The following ESR1 variants were observed in gnomAD, a reference collection of about 807,000 sequenced individuals.
ESR1 encodes the protein estrogen receptor.
A neutral mutation model predicts 52.7 loss-of-function variants in ESR1; 12 were observed. The ratio of observed to expected loss-of-function variants is 0.23; its 90% CI spans 0.15 to 0.37. The LOEUF (loss-of-function observed/expected upper bound fraction) is 0.37. Among genes scored for constraint, ESR1 ranks in the 10% least tolerant of loss-of-function variants. The pLI, the probability that ESR1 is intolerant of heterozygous loss-of-function variation, is 1.00. For missense variants in ESR1, 584 were observed against 779.7 expected, an observed-to-expected ratio of 0.75 and a Z score of 2.99; for synonymous variants, 305 against 316.8, an observed-to-expected ratio of 0.96 and a Z score of 0.39.
At chr6:151,899,501 ACGGGGCGGCTGGCCGGG>A (rs1796256508) in intron 3 of ESR1, among the ~76,000 whole-genome samples, 1 of 135,850 alleles carries the variant, frequency 7.4e-6, no homozygotes, top group African/African-American at 2.9e-5. Flanking sequence ...TCCCTCCCGG[ACGGGGCGGCTGGCCGGG>A]CGGGGGGCTG....
At chr6:151,938,908 C>T (rs1222184141) in intron 3 of ESR1, among the ~76,000 whole-genome samples, 1 of 152,100 alleles carries the variant, frequency 6.6e-6, no homozygotes, top group Non-Finnish European at 1.5e-5. Context: ...GTATCTCGAT[C>T]CCTTATACAA....
rs1446731094 is a variant in ESR1, at chr6:151,959,137, G to T, written c.1096+14629G>T. Among the ~76,000 whole-genome samples, 2 of 152,156 alleles carry T rather than the reference G, an allele frequency of 1.3e-5. 1 individual carries two copies. Among genetic ancestry groups the T allele is most frequent in the Non-Finnish European group, 2.9e-5 (2 of 68,026 alleles). On this transcript the variant is annotated intron_variant, in intron 4 of 7. Transcript: ENST00000206249. ...CAGAACTCTCCACCTAAGTGTGCAA[G>T]TGTAAACACTCCCTGATGTGTGAAC...
chr6:151,791,530 ATG>A (rs1776157736), intron 2 of ESR1, among the ~76,000 whole-genome samples: 1 of 152,164 alleles, frequency 6.6e-6, no homozygotes, highest in Non-Finnish European at 1.5e-5. Context: ...CAGTGTGAAA[ATG>A]GACTAATACA....
At chr6:152,022,591 A>G (rs936608775) in intron 5 of ESR1, among the ~76,000 whole-genome samples, 1 of 152,174 alleles carries the variant, frequency 6.6e-6, no homozygotes, top group African/African-American at 2.4e-5. Context: ...TTTTAGGTAG[A>G]AAAAGAGTCC....
At chr6:151,711,188 T>G (rs1429548731) in intron 2 of ESR1, among the ~76,000 whole-genome samples, 2 of 152,146 alleles carry the variant, frequency 1.3e-5, no homozygotes, top group Non-Finnish European at 2.9e-5. Context: ...GCATTCTTAT[T>G]TCTCCACATC....
At chr6:151,826,846 A>T (rs985425450) in intron 1 of ESR1, among the ~76,000 whole-genome samples, 1 of 152,218 alleles carries the variant, frequency 6.6e-6, no homozygotes, top group African/African-American at 2.4e-5. Context: ...CAAATTGACA[A>T]ATTGGGAAAG....
rs534309750 is a variant in ESR1, at chr6:151,759,889, G to A, written c.-70-47954G>A. ...ATTAGGTTGGTGCAAAAGTAACTGC[G>A]GTTTTTGCCATTCAAAGTAATGGCA... On this transcript the variant is annotated intron_variant, in intron 2 of 2. Coordinates refer to the ESR1 transcript ENST00000404742. 1.2e-4 allele frequency among the ~76,000 whole-genome samples: 19 copies of A among 152,250 alleles called. No individual in the cohort carries two copies. In the South Asian group the frequency reaches 1.7e-3, roughly 13 times the overall value.
downstream of ESR1, among the ~76,000 whole-genome samples, chr6:152,105,375 C>T (rs192257709): frequency 1.4e-4 from 21 of 152,162 alleles, no homozygotes; most frequent in East Asian, 3.7e-3. Context: ...ACCTTTTCCC[C>T]CCAAATTGTT....
intron 6 of ESR1, among the ~76,000 whole-genome samples, chr6:152,068,217 T>G (rs1255498248): frequency 6.6e-6 from 1 of 152,240 alleles, no homozygotes; most frequent in Non-Finnish European, 1.5e-5. Context: ...CCCAGTGTTC[T>G]GCAACGTCCA....
intron 3 of ESR1, among the ~76,000 whole-genome samples, chr6:151,885,154 G>T (rs1449281996): frequency 6.6e-6 from 1 of 152,052 alleles, no homozygotes; most frequent in African/African-American, 2.4e-5. Flanking sequence ...TTTGTGTAGG[G>T]CTTCTTATAT....
chr6:151,692,512 A>G (rs1193219237), intron 1 of ESR1, among the ~76,000 whole-genome samples: 2 of 152,130 alleles, frequency 1.3e-5, no homozygotes, highest in Non-Finnish European at 2.9e-5. Context: ...GACCATCCAC[A>G]CTGTAAAAAA....
downstream of ESR1, among the ~76,000 whole-genome samples, chr6:152,104,583 G>A (rs1046130689): frequency 3.0e-4 from 45 of 152,026 alleles, no homozygotes; most frequent in Non-Finnish European, 1.5e-5. Flanking sequence ...GCCTTTCGTT[G>A]TTTTAGTGAT....
chr6:151,737,599 A>C (rs1411391592), intron 2 of ESR1, among the ~76,000 whole-genome samples: 1 of 152,222 alleles, frequency 6.6e-6, no homozygotes, highest in Non-Finnish European at 1.5e-5. Flanking sequence ...AGTATTGTGC[A>C]GTGGAAAATG....
rs553815447 is a variant in ESR1 at position 151,711,271 on chromosome 6, G to C, written c.-71+9266G>C. On this transcript the variant is annotated intron_variant, in intron 2 of 2. Coordinates refer to the ESR1 transcript ENST00000404742. ...GAGTCTCACTCTGTTGCCCAGGCTGGAGTGCAGTGGTGCAATCTTGGCTCA... is the reference window on the plus strand; with the variant it reads ...GAGTCTCACTCTGTTGCCCAGGCTGCAGTGCAGTGGTGCAATCTTGGCTCA... 1.5e-4 allele frequency among the ~76,000 whole-genome samples: 23 copies of C among 151,716 alleles called. No homozygotes were observed. The South Asian group carries it at 4.8e-3, about 32-fold the overall frequency.
At chr6:151,846,457 T>C (rs1460204924) in intron 2 of ESR1, among the ~76,000 whole-genome samples, 1 of 152,244 alleles carries the variant, frequency 6.6e-6, no homozygotes, top group Admixed American at 6.5e-5. Context: ...TGTGACTCTT[T>C]ATAAATCACA....
At chr6:151,885,308 A>G (rs1793658800) in intron 3 of ESR1, among the ~76,000 whole-genome samples, 1 of 152,176 alleles carries the variant, frequency 6.6e-6, no homozygotes, top group Non-Finnish European at 1.5e-5. Context: ...AGATGGCTCA[A>G]ATATTGAATG....
chr6:151,918,116 C>A (rs1484079083), intron 3 of ESR1, among the ~76,000 whole-genome samples: 3 of 152,140 alleles, frequency 2.0e-5, no homozygotes, highest in Non-Finnish European at 2.9e-5. Flanking sequence ...AGTGATGGGG[C>A]AGACATGAGC....
In ESR1 at chr6:151,932,771, C is replaced by T. The variant is rs541378388; in HGVS notation, c.761-11402C>T. On this transcript the variant is annotated intron_variant, in intron 3 of 7. Coordinates refer to ENST00000206249, the MANE Select transcript of ESR1 (RefSeq NM_000125.4). Reference sequence around the variant, plus strand: ...CAAAGATCAGATAGTTGTAGGTATGCGGCGTTATTTCTGAGGGCTCTGTTC... The same window carrying T: ...CAAAGATCAGATAGTTGTAGGTATGTGGCGTTATTTCTGAGGGCTCTGTTC... Among the ~76,000 whole-genome samples the T allele has an allele frequency of 3.1e-3, 471 of 151,216 alleles. 2 individuals are homozygous for T. The highest frequency in any genetic ancestry group is 0.011 in the African/African-American group (441 of 41,092).
Position 152,003,934 on chromosome 6 carries a change from G to A in ESR1, c.1097-7722G>A, listed in dbSNP as rs867014369. 3.3e-5 allele frequency among the ~76,000 whole-genome samples: 5 copies of A among 152,012 alleles called. No homozygotes were observed. In the South Asian group the frequency reaches 8.3e-4, roughly 25 times the overall value. On this transcript the variant is annotated intron_variant, in intron 4 of 7. Transcript: ENST00000206249. ...TGGTAAACTAAACTGATGAATAAAGGTTATGGGAAATATTTCATAAAATTT... is the reference window on the plus strand; with the variant it reads ...TGGTAAACTAAACTGATGAATAAAGATTATGGGAAATATTTCATAAAATTT...
Sources: gnomAD v4.1 joint callset for allele counts (sites outside exome capture counted in the v4.1 genomes callset) on GRCh38, gnomAD v4.1.1 for gene constraint, MANE v1.5 for transcripts, NCBI Gene and HGNC (gene_info 2026-07-23, HGNC 2026-07-21) for gene names.